The following CSTPP1 variants were observed in gnomAD, a reference collection of about 807,000 sequenced individuals.
The protein encoded by CSTPP1 is UPF0705 protein C11orf49.
the CSTPP1 span, among the ~76,000 whole-genome samples, chr11:46,937,662 C>T: frequency 2.6e-5 from 4 of 152,120 alleles, no homozygotes; most frequent in Non-Finnish European, 5.9e-5. Context: ...CTCCGCCTCC[C>T]GGGTAGCTGG....
At chr11:46,945,004 G>A in the CSTPP1 span, among the ~76,000 whole-genome samples, 1 of 152,170 alleles carries the variant, frequency 6.6e-6, no homozygotes, top group Admixed American at 6.5e-5. Flanking sequence ...TGGAAGATAA[G>A]TGTTACTAAT....
At chr11:46,963,324 CT>C in the CSTPP1 span, among the ~76,000 whole-genome samples, 3,102 of 122,850 alleles carry the variant, frequency 0.025, 86 homozygotes, top group African/African-American at 0.072. Context: ...TTAGTTTTAG[CT>C]TTTTTTTTTT....
the CSTPP1 span, among the ~76,000 whole-genome samples, chr11:47,035,759 G>A: frequency 1.3e-5 from 2 of 151,886 alleles, no homozygotes; most frequent in African/African-American, 4.8e-5. Flanking sequence ...ATGCATTCAG[G>A]ACATACTTTT....
chr11:47,053,094 C>T, the CSTPP1 span: 1 of 152,906 alleles, frequency 6.5e-6, no homozygotes, highest in Non-Finnish European at 1.5e-5. Flanking sequence ...AGAAGGTTCT[C>T]CTTAGAACTG....
chr11:47,021,961 C>T, the CSTPP1 span, among the ~76,000 whole-genome samples: 1 of 151,842 alleles, frequency 6.6e-6, no homozygotes, highest in Admixed American at 6.6e-5. Context: ...GGCGCCTGTG[C>T]AGTTGTCCTT....
the CSTPP1 span, among the ~76,000 whole-genome samples, chr11:47,050,465 A>G: frequency 1.3e-5 from 2 of 152,216 alleles, no homozygotes; most frequent in African/African-American, 4.8e-5. Flanking sequence ...GAGCACTGTT[A>G]GAGAGTTTTA....
the CSTPP1 span, among the ~76,000 whole-genome samples, chr11:47,043,952 G>C: frequency 2.6e-5 from 4 of 152,070 alleles, no homozygotes; most frequent in East Asian, 7.7e-4. Context: ...AATAATGCAG[G>C]TTCTACAATG....
the CSTPP1 span, among the ~76,000 whole-genome samples, chr11:47,135,976 ACTCTCTCTCT>A: frequency 6.9e-6 from 1 of 144,464 alleles, no homozygotes; most frequent in Non-Finnish European, 1.5e-5. Context: ...TAATTAAGTA[ACTCTCTCTCT>A]CTCTCTCTCT....
At chr11:47,063,583 C>T in the CSTPP1 span, among the ~76,000 whole-genome samples, 1 of 152,016 alleles carries the variant, frequency 6.6e-6, no homozygotes, top group African/African-American at 2.4e-5. Flanking sequence ...AATATCTGTC[C>T]TTTTGTGTCT....
chr11:47,059,780 T>G, the CSTPP1 span, among the ~76,000 whole-genome samples: 1 of 152,194 alleles, frequency 6.6e-6, no homozygotes, highest in African/African-American at 2.4e-5. Context: ...ACATATGAGT[T>G]GATATGATTA....
chr11:46,961,882 C>A, the CSTPP1 span, among the ~76,000 whole-genome samples: 8 of 152,088 alleles, frequency 5.3e-5, no homozygotes, highest in Non-Finnish European at 1.2e-4. Context: ...TAAAGACATA[C>A]CCAAGACTGG....
chr11:47,062,024 C>T, the CSTPP1 span, among the ~76,000 whole-genome samples: 2 of 152,102 alleles, frequency 1.3e-5, no homozygotes, highest in Non-Finnish European at 2.9e-5. Flanking sequence ...ACCCTCCATA[C>T]ATAATACCTG....
At chr11:46,948,781 A>G in the CSTPP1 span, among the ~76,000 whole-genome samples, 3 of 152,188 alleles carry the variant, frequency 2.0e-5, no homozygotes, top group Non-Finnish European at 2.9e-5. Context: ...AATGATAACA[A>G]TAAACTTCAT....
chr11:47,148,639 AT>A, the CSTPP1 span, among the ~76,000 whole-genome samples: 1 of 151,980 alleles, frequency 6.6e-6, no homozygotes, highest in Non-Finnish European at 1.5e-5. Context: ...CTCTATTTTT[AT>A]TTGCTCTTTT....
At chr11:47,130,234 C>G in the CSTPP1 span, among the ~76,000 whole-genome samples, 1 of 148,570 alleles carries the variant, frequency 6.7e-6, no homozygotes, top group South Asian at 2.1e-4. Flanking sequence ...TTCAGCCTGG[C>G]GACAGAGCAA....
chr11:47,078,797 G>A, the CSTPP1 span, among the ~76,000 whole-genome samples: 1 of 152,172 alleles, frequency 6.6e-6, no homozygotes, highest in African/African-American at 2.4e-5. Context: ...CATAGGATTA[G>A]CTTGGAAATT....
chr11:46,943,474 C>A, the CSTPP1 span, among the ~76,000 whole-genome samples: 1 of 152,144 alleles, frequency 6.6e-6, no homozygotes, highest in African/African-American at 2.4e-5. Context: ...GGAGTAAGGT[C>A]AAGTGATTCC....
the CSTPP1 span, among the ~76,000 whole-genome samples, chr11:47,049,071 G>A: frequency 6.6e-6 from 1 of 151,940 alleles, no homozygotes; most frequent in South Asian, 2.1e-4. Context: ...CTGCAGCCTT[G>A]ACCTCCTAGG....
chr11:47,161,020 C>T, the CSTPP1 span: 97 of 1,446,716 alleles, frequency 6.7e-5, no homozygotes, highest in South Asian at 6.0e-4. Context: ...GATCGGCCCT[C>T]GCAGGGTCAG....
Sources: gnomAD v4.1 joint callset for allele counts (sites outside exome capture counted in the v4.1 genomes callset) on GRCh38, gnomAD v4.1.1 for gene constraint, MANE v1.5 for transcripts, NCBI Gene and HGNC (gene_info 2026-07-23, HGNC 2026-07-21) for gene names.